ACOT6: variants seen among roughly 807,000 people sequenced by gnomAD.
ACOT6 encodes acyl-coenzyme A thioesterase 6.
A neutral mutation model predicts 12.3 loss-of-function variants in ACOT6; 14 were observed. That is an observed-to-expected ratio of 1.14 (90% CI 0.75 to 1.78). The LOEUF is 1.78. ACOT6 is among the 40% of genes most tolerant of loss of function. The pLI, the probability that ACOT6 is intolerant of heterozygous loss-of-function variation, is 0.00. For synonymous variants in ACOT6, 218 were observed against 231.3 expected, an observed-to-expected ratio of 0.94 and a Z score of 0.52; for missense variants, 523 against 551.8, an observed-to-expected ratio of 0.95 and a Z score of 0.52.
intron 1 of ACOT6, 100 bp downstream of exon 1, chr14:73,613,132 C>A (rs1890478535): frequency 4.0e-6 from 2 of 495,300 alleles, no homozygotes; most frequent in African/African-American, 4.1e-5. Context: ...CTTGTTCCTT[C>A]GCTCCAGAGT....
chr14:73,616,690 C>CA (rs970831307), intron 1 of ACOT6: 15 of 182,508 alleles, frequency 8.2e-5, no homozygotes, highest in East Asian at 1.3e-4. Context: ...GTGAGACTGT[C>CA]AAAAAAAAAT....
At position 73,619,252 on chromosome 14, in the gene ACOT6, G is replaced by T. The variant is rs777656695; in HGVS notation, c.679G>T (p.Ala227Ser). 6 of 1,590,130 alleles carry T rather than the reference G, an allele frequency of 3.8e-6. No homozygotes were observed. In the Admixed American group the frequency reaches 1.1e-4, roughly 29 times the overall value. ...QHPKVKGPSIALLGFSKGGDL... is the reference protein window; with the variant it reads ...QHPKVKGPSISLLGFSKGGDL... ...TCAACAGGTGAAAGGTCCTAGTATT[G>T]CGCTTCTTGGATTTTCCAAAGGAGG... Residue 227 changes from alanine to serine, a missense_variant, in exon 3 of 3, where the codon GCG becomes TCG. Physicochemically the swap from Ala to Ser is moderately conservative, Grantham distance 99. This residue lies in a region of ACOT6 where 219 missense variants were observed against 277.0 expected (regional missense o/e 0.79). Transcript: ENST00000645972.
chr14:73,611,465 G>A (rs1366823199), upstream of ACOT6: 1 of 152,118 alleles, frequency 6.6e-6, no homozygotes, highest in Non-Finnish European at 1.5e-5. Flanking sequence ...TTTAAATCTT[G>A]CCCATGCCTT....
At chr14:73,616,461 G>A (rs1286912106) in intron 1 of ACOT6, among the ~76,000 whole-genome samples, 2 of 152,090 alleles carry the variant, frequency 1.3e-5, no homozygotes, top group African/African-American at 4.8e-5. Context: ...GGGAGGCCAA[G>A]GTGGGCAGAT....
At chr14:73,618,158 C>T (rs1295697596) in intron 2 of ACOT6, among the ~76,000 whole-genome samples, 1 of 151,820 alleles carries the variant, frequency 6.6e-6, no homozygotes, top group Non-Finnish European at 1.5e-5. Context: ...AAAAACCCAA[C>T]AACAACAACG....
At chr14:73,611,983 G>A (rs1417510205), upstream of ACOT6, among the ~76,000 whole-genome samples, 1 of 151,956 alleles carries the variant, frequency 6.6e-6, no homozygotes, top group Non-Finnish European at 1.5e-5. Context: ...TTAGCTCTCA[G>A]TGGTTTTTGT....
rs1354351540 is a variant in ACOT6, at chr14:73,619,305, C to A, written c.732C>A (p.Phe244Leu). 1 of 1,613,268 alleles carries A rather than the reference C, an allele frequency of 6.2e-7. No individual in the cohort carries two copies. Among genetic ancestry groups the A allele is most frequent in the East Asian group, 2.2e-5 (1 of 44,892 alleles). ...GGDLCLSMAS[F>L]LKGITATVLI... is the part of the protein sequence containing the mutation. Reference sequence around the variant, plus strand: ...ACCTGTGTCTCTCAATGGCTTCTTTCTTGAAGGGCATCACAGCCACTGTAC... The same window carrying A: ...ACCTGTGTCTCTCAATGGCTTCTTTATTGAAGGGCATCACAGCCACTGTAC... The change falls in exon 3 of 3, where the codon TTC becomes TTA. Residue 244 changes from phenylalanine to leucine, a missense_variant. Physicochemically the swap from Phe to Leu is conservative, Grantham distance 22. This residue lies in a region of ACOT6 where 219 missense variants were observed against 277.0 expected (regional missense o/e 0.79). Transcript: ENST00000645972.
In ACOT6 at chr14:73,612,923, C is replaced by T. The variant is rs1339385336; in HGVS notation, c.352C>T (p.Arg118Trp). Residue 118 changes from arginine to tryptophan, a missense_variant, in exon 1 of 3, where the codon CGG becomes TGG. Transcript: ENST00000645972. ...VLDGHDTEPG[R>W]LLCLAQNKRD... ...GGACGGCCACGACACCGAGCCCGGG[C>T]GGCTGCTGTGCCTGGCGCAGAACAA... The T allele has an allele frequency of 3.0e-6, 4 of 1,349,330 alleles. No homozygotes were observed. The highest frequency in any genetic ancestry group is 2.0e-6 in the Non-Finnish European group (2 of 1,010,602). The allele number at this position is 1,349,330 out of a possible 1,614,324, so 83.6% of individuals were successfully genotyped here. A position where few individuals can be genotyped will look rare whatever the true frequency, so the allele number is the denominator to read the frequency against.
intron 1 of ACOT6, among the ~76,000 whole-genome samples, chr14:73,613,623 T>G (rs1890485815): frequency 6.6e-6 from 1 of 152,198 alleles, no homozygotes; most frequent in Admixed American, 6.6e-5. Flanking sequence ...GGGGGAAATT[T>G]GGCAATATCT....
At chr14:73,618,743 T>A (rs907930976) in intron 2 of ACOT6, among the ~76,000 whole-genome samples, 7 of 152,238 alleles carry the variant, frequency 4.6e-5, no homozygotes, top group African/African-American at 1.7e-4. Flanking sequence ...TATTAGGGGA[T>A]GACCCATTAC....
intron 1 of ACOT6, 87 bp downstream of exon 1, chr14:73,613,119 G>T (rs1595184934): frequency 2.0e-6 from 1 of 507,492 alleles, no homozygotes. Context: ...GAACATCCCT[G>T]AACTTGTTCC....
rs760711106 is a variant in ACOT6, at chr14:73,619,428, TAA to T, written c.856_857del (p.Lys286ValfsTer40). ...ATGATCTAGGAAAAGTAAAAATCAC[TAA>T]GTCAGGATTTCTCACTTTTATGGAC... is the stretch of plus-strand genomic sequence containing the variant. Reference protein sequence around the residue: ...VDDLGKVKITKSGFLTFMDTW... With the variant: ...VDDLGKVKITXSGFLTFMDTW... On this transcript the variant is annotated frameshift_variant, in exon 3 of 3. Coordinates refer to ENST00000645972, the MANE Select transcript of ACOT6 (RefSeq NM_001365788.1). LOFTEE classifies it low-confidence loss of function (END_TRUNC). 5.4e-5 allele frequency: 87 copies of T among 1,614,080 alleles called. No homozygotes were observed. Among genetic ancestry groups the T allele is most frequent in the Non-Finnish European group, 7.2e-5 (85 of 1,180,026 alleles).
At position 73,615,115 on chromosome 14, in the gene ACOT6, C is replaced by A. The variant is rs189642916; in HGVS notation, c.462-1879C>A. 6.7e-3 allele frequency among the ~76,000 whole-genome samples: 1,006 copies of A among 149,672 alleles called. 5 individuals are homozygous for A. Among genetic ancestry groups the A allele is most frequent in the Middle Eastern group, 0.029 (8 of 274 alleles). On this transcript the variant is annotated intron_variant, in intron 1 of 2. Transcript: ENST00000645972. The stretch of plus-strand genomic sequence containing the variant: ...AAAAAAAAAACAAGGCGGCCAGGCG[C>A]GGTGGCTCACGCCTCTAATCCCGGC...
upstream of ACOT6, among the ~76,000 whole-genome samples, chr14:73,612,149 C>T (rs1890454170): frequency 6.6e-6 from 1 of 151,566 alleles, no homozygotes; most frequent in Non-Finnish European, 1.5e-5. Flanking sequence ...TCAAGCAATT[C>T]TTCTGCCTCA....
At chr14:73,616,293 T>G (rs1302691687) in intron 1 of ACOT6, among the ~76,000 whole-genome samples, 1 of 152,026 alleles carries the variant, frequency 6.6e-6, no homozygotes, top group East Asian at 1.9e-4. Context: ...TAACTTGGTT[T>G]ATTTTTGTTT....
Position 73,619,439 on chromosome 14 carries a change from T to G in ACOT6, c.866T>G (p.Phe289Cys). 6.2e-7 allele frequency: 1 copy of G among 1,614,206 alleles called. No individual in the cohort carries two copies. The highest frequency in any genetic ancestry group is 8.5e-7 in the Non-Finnish European group (1 of 1,180,044). ...LGKVKITKSG[F>C]LTFMDTWSNP... is the part of the protein sequence containing the mutation. ...AAAGTAAAAATCACTAAGTCAGGAT[T>G]TCTCACTTTTATGGACACTTGGAGC... Residue 289 changes from phenylalanine (F) to cysteine (C), a missense_variant, in exon 3 of 3, where the codon TTT becomes TGT. Transcript: ENST00000645972.
rs147952232 is a variant in ACOT6 at position 73,619,401 on chromosome 14, C to T, written c.828C>T (p.Val276=). The T allele has an allele frequency of 8.7e-6, 14 of 1,613,908 alleles. No individual in the cohort carries two copies. Among genetic ancestry groups the T allele is most frequent in the African/African-American group, 1.3e-5 (1 of 74,890 alleles). ...HYKDMIIPKL[V]DDLGKVKITK... ...AGGATATGATTATTCCTAAACTTGT[C>T]GATGATCTAGGAAAAGTAAAAATCA... is the stretch of plus-strand genomic sequence containing the variant. Residue 276 remains valine (V), a synonymous_variant, in exon 3 of 3, where the codon GTC becomes GTT. Transcript: ENST00000645972.
rs541857806 is a variant in ACOT6 at position 73,619,246 on chromosome 14, A to G, written c.673A>G (p.Ser225Gly). The G allele has an allele frequency of 1.1e-4, 168 of 1,584,162 alleles. No homozygotes were observed. The highest frequency in any genetic ancestry group is 8.5e-4 in the Middle Eastern group (5 of 5,886). ...TTTTCCTCAACAGGTGAAAGGTCCT[A>G]GTATTGCGCTTCTTGGATTTTCCAA... ...MLQHPKVKGP[S>G]IALLGFSKGG... is the part of the protein sequence containing the mutation. Residue 225 changes from serine to glycine, a missense_variant, in exon 3 of 3, where the codon AGT becomes GGT. Ser to Gly is a moderately conservative substitution (Grantham distance 56). Transcript: ENST00000645972.
intron 1 of ACOT6, among the ~76,000 whole-genome samples, chr14:73,613,664 G>A (rs1417182267): frequency 6.6e-6 from 1 of 152,192 alleles, no homozygotes; most frequent in Non-Finnish European, 1.5e-5. Context: ...TATCTGAAGG[G>A]AGAGGTGCTA....
Sources: allele counts gnomAD v4.1 joint callset (sites outside exome capture counted in the v4.1 genomes callset), GRCh38; gene constraint gnomAD v4.1.1; regional missense constraint gnomAD v4.1.1; transcripts MANE v1.5; gene names NCBI Gene and HGNC (gene_info 2026-07-23, HGNC 2026-07-21).